The following ARL13B variants were observed in gnomAD, a reference collection of about 807,000 sequenced individuals.
The protein encoded by ARL13B is ARF like GTPase 13B.
In ARL13B, 36 loss-of-function variants were observed where a neutral mutation model predicts 56.1. The observed-to-expected ratio is 0.64, with a 90% CI of 0.49 to 0.85. The LOEUF is 0.85. Among genes scored for constraint, ARL13B ranks in the 40% least tolerant of loss-of-function variants. The pLI is 0.00. For missense variants in ARL13B, 519 were observed against 507.1 expected, an observed-to-expected ratio of 1.02 and a Z score of -0.23; for synonymous variants, 178 against 171.1, an observed-to-expected ratio of 1.04 and a Z score of -0.32.
rs1384661061 is a variant in ARL13B, at chr3:94,025,703, G to T, written c.381-9628G>T. ...TCACTACCAACGCCCCATGGAGTTTGCCCCTTGTAGCCCAGGTAGTATTAT... is the reference window on the plus strand; with the variant it reads ...TCACTACCAACGCCCCATGGAGTTTTCCCCTTGTAGCCCAGGTAGTATTAT... On this transcript the variant is annotated intron_variant, in intron 3 of 9. Coordinates refer to ENST00000394222, the MANE Select transcript of ARL13B (RefSeq NM_001174150.2). Among the ~76,000 whole-genome samples, 4 of 152,242 alleles carry T rather than the reference G, an allele frequency of 2.6e-5. No individual in the cohort carries two copies. The East Asian group carries it at 7.7e-4, about 29-fold the overall frequency.
chr3:94,027,690 A>G (rs957756435), intron 3 of ARL13B, among the ~76,000 whole-genome samples: 3 of 152,064 alleles, frequency 2.0e-5, no homozygotes, highest in African/African-American at 7.2e-5. Flanking sequence ...TATCTAACCT[A>G]TCTACATATG....
intron 3 of ARL13B, among the ~76,000 whole-genome samples, chr3:94,034,244 G>A (rs2076729121): frequency 6.6e-6 from 1 of 151,906 alleles, no homozygotes; most frequent in African/African-American, 2.4e-5. Context: ...AAAAAAGAAG[G>A]TATATAGATA....
At position 93,980,163 on chromosome 3, in the gene ARL13B, T is replaced by G. The variant is rs1156552989; in HGVS notation, c.-261T>G. ...CAGCACGTCGACGCGGGGCTTTTCT[T>G]TAGCCGGGTCCCGCTAACTCGGCTA... On this transcript the variant is annotated 5_prime_UTR_variant, in exon 1 of 10. Coordinates refer to ENST00000394222, the MANE Select transcript of ARL13B (RefSeq NM_001174150.2). The G allele has an allele frequency of 1.6e-6, 1 of 635,288 alleles. No individual in the cohort carries two copies. Among genetic ancestry groups the G allele is most frequent in the Non-Finnish European group, 2.9e-6 (1 of 348,576 alleles). 39.4% of individuals were successfully genotyped at this position (635,288 alleles called of 1,614,324 possible). A position where few individuals can be genotyped will look rare whatever the true frequency, so the allele number is the denominator to read the frequency against.
intron 3 of ARL13B, among the ~76,000 whole-genome samples, chr3:94,011,463 A>G (rs906345370): frequency 6.6e-6 from 1 of 152,078 alleles, no homozygotes; most frequent in African/African-American, 2.4e-5. Context: ...CTGTGCTTTC[A>G]GTTTTTGCCT....
intron 1 of ARL13B, chr3:93,988,788 T>A: frequency 1.6e-5 from 2 of 126,482 alleles, no homozygotes; most frequent in Non-Finnish European, 1.8e-5. Flanking sequence ...TTGTTTGCAT[T>A]TTTTTTTTTT....
chr3:94,035,518 T>C, intron 4 of ARL13B, 82 bp downstream of exon 4: 2 of 969,304 alleles, frequency 2.1e-6, no homozygotes, highest in Non-Finnish European at 3.1e-6. Context: ...ATAAAAGTGA[T>C]AGCAATTAAA....
At chr3:94,022,006 C>T (rs1392066822) in intron 3 of ARL13B, among the ~76,000 whole-genome samples, 1 of 152,176 alleles carries the variant, frequency 6.6e-6, no homozygotes, top group Non-Finnish European at 1.5e-5. Flanking sequence ...TCCAATTCTC[C>T]ATTCCTTAAA....
intron 7 of ARL13B, chr3:94,047,835 C>G (rs1009962643): frequency 6.6e-6 from 1 of 152,038 alleles, no homozygotes; most frequent in Non-Finnish European, 1.5e-5. Flanking sequence ...GTACAAAGAC[C>G]TATTTGTTTT....
At position 94,038,627 on chromosome 3, in the gene ARL13B, G is replaced by A. The variant is rs368508985; in HGVS notation, c.690-1253G>A. ...CAACCTCCGTCTCCCAGGTTCAAGC[G>A]ATTCTCCTGCCTCAGCCTCCCGAGT... is the stretch of plus-strand genomic sequence containing the variant. On this transcript the variant is annotated intron_variant, in intron 5 of 9. Coordinates refer to ENST00000394222, the MANE Select transcript of ARL13B (RefSeq NM_001174150.2). Among the ~76,000 whole-genome samples, 774 of 149,014 alleles carry A rather than the reference G, an allele frequency of 5.2e-3. 3 individuals carry two copies. The highest frequency in any genetic ancestry group is 0.01 in the Middle Eastern group (3 of 290).
chr3:93,985,820 A>G (rs1224072331), intron 1 of ARL13B, among the ~76,000 whole-genome samples: 2 of 152,152 alleles, frequency 1.3e-5, no homozygotes, highest in Non-Finnish European at 2.9e-5. Context: ...CATCACAAAT[A>G]CAACCTATCA....
intron 3 of ARL13B, among the ~76,000 whole-genome samples, chr3:94,026,581 A>G (rs2076562880): frequency 6.6e-6 from 1 of 152,224 alleles, no homozygotes; most frequent in African/African-American, 2.4e-5. Context: ...GTTAGGCAAA[A>G]TGAGACAAAT....
intron 3 of ARL13B, among the ~76,000 whole-genome samples, chr3:94,028,058 C>A (rs987307506): frequency 6.6e-6 from 1 of 152,090 alleles, no homozygotes; most frequent in African/African-American, 2.4e-5. Context: ...AATTTTAGAT[C>A]TGTTTTTACA....
At chr3:93,990,858 CCCTTGCTTG>C (rs1559967942) in intron 1 of ARL13B, among the ~76,000 whole-genome samples, 7 of 152,264 alleles carry the variant, frequency 4.6e-5, no homozygotes, top group African/African-American at 1.7e-4. Context: ...TTTTACCTTT[CCCTTGCTTG>C]ACTAACTTCT....
intron 3 of ARL13B, among the ~76,000 whole-genome samples, chr3:94,029,354 T>A (rs1377510225): frequency 1.9e-4 from 26 of 134,742 alleles, no homozygotes; most frequent in African/African-American, 6.4e-4. Context: ...TTTTTATTTT[T>A]TTTTTTTTTT....
chr3:94,035,268 A>C (rs1015714020), intron 3 of ARL13B, 63 bp from the exon 4 acceptor site: 2 of 1,176,780 alleles, frequency 1.7e-6, no homozygotes. Flanking sequence ...TGTGGTCAAA[A>C]TATCTTTAAG....
intron 3 of ARL13B, among the ~76,000 whole-genome samples, chr3:94,018,701 A>G (rs930693872): frequency 1.3e-5 from 2 of 152,086 alleles, no homozygotes; most frequent in African/African-American, 2.4e-5. Context: ...TGAACCCGTA[A>G]ACTGCCCCAT....
Position 94,043,957 on chromosome 3 carries a change from G to T in ARL13B, c.1024+717G>T, listed in dbSNP as rs182640079. Among the ~76,000 whole-genome samples the T allele has an allele frequency of 3.4e-3, 521 of 151,816 alleles. 1 individual carries two copies. The highest frequency in any genetic ancestry group is 6.8e-3 in the Middle Eastern group (2 of 292). On this transcript the variant is annotated intron_variant, in intron 7 of 9. Transcript: ENST00000394222. ...GCAGACGGAGTCTCGCTCACTCAAC[G>T]CTCAATGTTGCTCAGGCTGGAGTGC...
intron 3 of ARL13B, among the ~76,000 whole-genome samples, chr3:94,029,258 T>G (rs1357577684): frequency 7.0e-6 from 1 of 143,762 alleles, no homozygotes; most frequent in Non-Finnish European, 1.5e-5. Context: ...GACTTGTTAC[T>G]ATTTGAGGGC....
At chr3:94,019,055 CG>C (rs531747740) in intron 3 of ARL13B, among the ~76,000 whole-genome samples, 238 of 152,284 alleles carry the variant, frequency 1.6e-3, no homozygotes, top group African/African-American at 5.5e-3. Flanking sequence ...TGTGAGCCAC[CG>C]CGCCTGGCTG....
Sources: allele counts gnomAD v4.1 joint callset (sites outside exome capture counted in the v4.1 genomes callset), GRCh38; gene constraint gnomAD v4.1.1; transcripts MANE v1.5; gene names NCBI Gene and HGNC (gene_info 2026-07-23, HGNC 2026-07-21).